The following PTPRA variants were observed in gnomAD, a reference collection of about 807,000 sequenced individuals.
The protein encoded by PTPRA is receptor-type tyrosine-protein phosphatase alpha.
In PTPRA, 25 loss-of-function variants were observed where a neutral mutation model predicts 104.8. The ratio of observed to expected loss-of-function variants is 0.24; its 90% CI spans 0.17 to 0.33. The LOEUF (loss-of-function observed/expected upper bound fraction) is 0.33. Ranked by LOEUF, PTPRA falls within the 10% of genes least tolerant of loss-of-function variation. The pLI, the probability that PTPRA is intolerant of heterozygous loss-of-function variation, is 1.00. For missense variants in PTPRA, 765 were observed against 1,015.3 expected (o/e 0.75, Z 3.35); for synonymous variants, 323 against 368.9 (o/e 0.88, Z 1.43).
At chr20:2,930,899 C>T (rs1413325873) in intron 2 of PTPRA, among the ~76,000 whole-genome samples, 2 of 152,124 alleles carry the variant, frequency 1.3e-5, no homozygotes, top group Non-Finnish European at 2.9e-5. Context: ...GAAGCATTTC[C>T]TATATATCAA....
At chr20:2,961,358 C>T (rs1178026) in intron 3 of PTPRA, among the ~76,000 whole-genome samples, 7 of 151,918 alleles carry the variant, frequency 4.6e-5, no homozygotes, top group Non-Finnish European at 1.0e-4. Flanking sequence ...AGTGGTATCC[C>T]GTTTTAATTT....
chr20:2,884,551 T>C (rs1439321119), intron 1 of PTPRA, among the ~76,000 whole-genome samples: 1 of 152,244 alleles, frequency 6.6e-6, no homozygotes, highest in Non-Finnish European at 1.5e-5. Flanking sequence ...TCATGTGCTG[T>C]TGGCCGTTTA....
intron 11 of PTPRA, among the ~76,000 whole-genome samples, chr20:3,008,079 T>C (rs915518612): frequency 1.3e-5 from 2 of 151,970 alleles, no homozygotes; most frequent in African/African-American, 4.8e-5. Flanking sequence ...GAGAGTGAAT[T>C]TGAACAGAAA....
At chr20:2,892,016 G>A (rs1278103584) in intron 1 of PTPRA, among the ~76,000 whole-genome samples, 5 of 152,052 alleles carry the variant, frequency 3.3e-5, no homozygotes, top group South Asian at 2.1e-4. Context: ...TGGGCCGGGC[G>A]CGGTGGCTCA....
At position 2,911,837 on chromosome 20, in the gene PTPRA, G is replaced by T. The variant is rs183581117; in HGVS notation, c.-128-11370G>T. ...TATTTCAAGAAGTAGAGAAGACATG[G>T]ATATCAATCAGTGGAAATCGTATAC... is the stretch of plus-strand genomic sequence containing the variant. On this transcript the variant is annotated intron_variant, in intron 1 of 23. Coordinates refer to ENST00000399903, the MANE Select transcript of PTPRA (RefSeq NM_001385305.1). 1.1e-3 allele frequency among the ~76,000 whole-genome samples: 166 copies of T among 152,138 alleles called. 2 individuals carry two copies. The highest frequency in any genetic ancestry group is 3.8e-3 in the African/African-American group (158 of 41,508).
At chr20:3,019,402 C>T (rs1469536736) in intron 13 of PTPRA, among the ~76,000 whole-genome samples, 37 of 147,258 alleles carry the variant, frequency 2.5e-4, no homozygotes, top group Admixed American at 1.3e-3. Flanking sequence ...TCAGACGGGG[C>T]GGTTGCCAGG....
chr20:2,939,987 G>A (rs111957274), intron 2 of PTPRA, among the ~76,000 whole-genome samples: 84 of 152,350 alleles, frequency 5.5e-4, no homozygotes, highest in African/African-American at 1.9e-3. Flanking sequence ...GGGGACGCCT[G>A]TAATCCCAGC....
At chr20:2,940,004 G>T (rs1011828256) in intron 2 of PTPRA, among the ~76,000 whole-genome samples, 2 of 152,222 alleles carry the variant, frequency 1.3e-5, no homozygotes, top group African/African-American at 4.8e-5. Flanking sequence ...CAGCTACTTG[G>T]GAGGCTCAGA....
the PTPRA span, chr20:2,865,128 C>G: frequency 6.2e-7 from 1 of 1,614,140 alleles, no homozygotes; most frequent in South Asian, 1.1e-5. This position sits in a 1 kb window ranked among gnomAD's most constrained non-coding sequence, Gnocchi z 5.2. Context: ...CCCATCATGC[C>G]TCATTATCCG....
intron 13 of PTPRA, among the ~76,000 whole-genome samples, chr20:3,019,670 G>A (rs529487510): frequency 6.6e-6 from 1 of 152,052 alleles, no homozygotes; most frequent in Non-Finnish European, 1.5e-5. Context: ...CCCAGACGGG[G>A]TGGCGGCTGG....
chr20:2,984,996 G>A (rs960799985), intron 6 of PTPRA, among the ~76,000 whole-genome samples: 1 of 152,028 alleles, frequency 6.6e-6, no homozygotes, highest in Non-Finnish European at 1.5e-5. Flanking sequence ...ATTAAGTATT[G>A]ACTTGTTTAT....
intron 12 of PTPRA, among the ~76,000 whole-genome samples, chr20:3,017,109 A>G (rs925759486): frequency 1.3e-5 from 2 of 152,074 alleles, no homozygotes; most frequent in African/African-American, 4.8e-5. Flanking sequence ...TTTCCTCCCA[A>G]ACTCTTTACC....
chr20:2,990,743 T>G (rs2063136958), intron 9 of PTPRA, among the ~76,000 whole-genome samples: 1 of 152,030 alleles, frequency 6.6e-6, no homozygotes, highest in African/African-American at 2.4e-5. Context: ...GAAAAAATTT[T>G]TTTTAGATAT....
intron 1 of PTPRA, among the ~76,000 whole-genome samples, chr20:2,899,377 T>G (rs925074982): frequency 2.6e-5 from 4 of 152,164 alleles, no homozygotes; most frequent in Admixed American, 6.5e-5. Context: ...CGCACCATAC[T>G]ATGCAGGACC....
chr20:2,932,849 G>A (rs2060557617), intron 2 of PTPRA, among the ~76,000 whole-genome samples: 1 of 152,138 alleles, frequency 6.6e-6, no homozygotes. Flanking sequence ...TGTAGGCTGG[G>A]GGTGTACTTT....
At chr20:2,880,878 A>G (rs566877113) in intron 1 of PTPRA, among the ~76,000 whole-genome samples, 5 of 152,184 alleles carry the variant, frequency 3.3e-5, no homozygotes, top group Admixed American at 2.0e-4. Context: ...GTGTGGTGTC[A>G]CGTGCCTGTA....
chr20:2,942,775 T>A (rs1026720928), intron 2 of PTPRA, among the ~76,000 whole-genome samples: 12 of 151,256 alleles, frequency 7.9e-5, no homozygotes, highest in African/African-American at 2.9e-4. Flanking sequence ...CTAGTAGAAT[T>A]AATGTATACT....
chr20:2,946,183 T>C lies in PTPRA; in HGVS notation c.-49-1799T>C, dbSNP rs118057307. 2.5e-3 allele frequency among the ~76,000 whole-genome samples: 376 copies of C among 152,128 alleles called. 2 individuals are homozygous for C. In the South Asian group the frequency reaches 0.028, roughly 11 times the overall value. On this transcript the variant is annotated intron_variant, in intron 2 of 23. Coordinates refer to ENST00000399903, the MANE Select transcript of PTPRA (RefSeq NM_001385305.1). The stretch of plus-strand genomic sequence containing the variant: ...CAGAAGCAGTTACCAGTGTGAAGAC[T>C]AGATGACAACCAAAAAAGTATGTGG...
intron 14 of PTPRA, 68 bp from the exon 15 acceptor site, chr20:3,021,986 C>G: frequency 6.3e-7 from 1 of 1,576,744 alleles, no homozygotes; most frequent in Non-Finnish European, 8.7e-7. Context: ...CAGCTGTCAC[C>G]TTCCCTCCCC....
Sources: allele counts gnomAD v4.1 joint callset (sites outside exome capture counted in the v4.1 genomes callset), GRCh38; gene constraint gnomAD v4.1.1; non-coding constraint Gnocchi (gnomAD v3.1); transcripts MANE v1.5; gene names NCBI Gene and HGNC (gene_info 2026-07-23, HGNC 2026-07-21).